GMDS: variants seen among roughly 807,000 people sequenced by gnomAD.
GMDS encodes GDP-mannose 4,6 dehydratase.
In GMDS, 20 loss-of-function variants were observed where a neutral mutation model predicts 49.9. That is an observed-to-expected ratio of 0.40 (90% CI 0.28 to 0.58). The LOEUF (loss-of-function observed/expected upper bound fraction) is 0.58. Ranked by LOEUF, GMDS falls within the 20% of genes least tolerant of loss-of-function variation. The probability of loss-of-function intolerance (pLI) is 0.42; values close to 1 mark genes in which losing one functional copy is unlikely to be tolerated. For missense variants in GMDS, 362 were observed against 481.4 expected (o/e 0.75, Z 2.32); for synonymous variants, 177 against 178.6 (o/e 0.99, Z 0.07).
At chr6:1,930,018 A>C (rs1467106338) in intron 7 of GMDS, 85 bp downstream of exon 7, 1 of 1,228,798 alleles carries the variant, frequency 8.1e-7, no homozygotes, top group Non-Finnish European at 1.2e-6. Flanking sequence ...CCCCACCTCT[A>C]GGTCACACTT....
intron 6 of GMDS, among the ~76,000 whole-genome samples, chr6:1,931,296 G>A (rs1333795158): frequency 2.0e-5 from 3 of 152,164 alleles, no homozygotes; most frequent in African/African-American, 4.8e-5. Context: ...GCTGGCACAG[G>A]GATAAGGGGA....
chr6:1,967,041 C>A (rs1408549667), intron 4 of GMDS, among the ~76,000 whole-genome samples: 1 of 152,144 alleles, frequency 6.6e-6, no homozygotes, highest in African/African-American at 2.4e-5. Context: ...TCTCCGGCCA[C>A]CCTGCTGTCC....
At chr6:1,743,349 C>G (rs1006392568) in intron 7 of GMDS, among the ~76,000 whole-genome samples, 7 of 151,686 alleles carry the variant, frequency 4.6e-5, no homozygotes, top group Middle Eastern at 3.4e-3. Flanking sequence ...GTCAGGAGAT[C>G]GAGACCACGG....
At chr6:1,723,333 T>G (rs1477542397) in intron 9 of GMDS, among the ~76,000 whole-genome samples, 3 of 149,194 alleles carry the variant, frequency 2.0e-5, no homozygotes, top group African/African-American at 7.4e-5. Flanking sequence ...TATGGCATTT[T>G]TTTTTTTTTT....
At chr6:1,809,450 A>G (rs917650693) in intron 7 of GMDS, among the ~76,000 whole-genome samples, 1 of 152,200 alleles carries the variant, frequency 6.6e-6, no homozygotes, top group African/African-American at 2.4e-5. Flanking sequence ...TAGCTGTAAA[A>G]TTGCCAAATA....
At chr6:2,053,516 A>G (rs1770583356) in intron 4 of GMDS, among the ~76,000 whole-genome samples, 1 of 152,132 alleles carries the variant, frequency 6.6e-6, no homozygotes, top group African/African-American at 2.4e-5. Context: ...AAGTATAAAA[A>G]GAAATTAAAT....
At chr6:2,112,729 C>T (rs79122591) in intron 4 of GMDS, among the ~76,000 whole-genome samples, 2,870 of 152,270 alleles carry the variant, frequency 0.019, 98 homozygotes, top group African/African-American at 0.063. Flanking sequence ...TTCTTTAAAA[C>T]GTCACAAATC....
chr6:1,827,092 G>A (rs1395503057), intron 7 of GMDS, among the ~76,000 whole-genome samples: 2 of 146,422 alleles, frequency 1.4e-5, no homozygotes, highest in African/African-American at 5.0e-5. Context: ...GTGTGTGTGT[G>A]TGTGTGTGTG....
intron 8 of GMDS, among the ~76,000 whole-genome samples, chr6:1,727,988 C>G (rs1419528680): frequency 6.6e-6 from 1 of 152,100 alleles, no homozygotes; most frequent in Non-Finnish European, 1.5e-5. Flanking sequence ...TTGATTAGAT[C>G]AATTTGGCAG....
At chr6:2,079,841 C>G (rs1006156729) in intron 4 of GMDS, among the ~76,000 whole-genome samples, 1 of 152,074 alleles carries the variant, frequency 6.6e-6, no homozygotes, top group Non-Finnish European at 1.5e-5. Flanking sequence ...ATATCTAAAT[C>G]ATTTGATAGA....
At chr6:2,005,719 G>A (rs6913715) in intron 4 of GMDS, among the ~76,000 whole-genome samples, 70,893 of 151,940 alleles carry the variant, frequency 0.47, 16,855 homozygotes, top group African/African-American at 0.55. Flanking sequence ...CTGCCAACTG[G>A]CACACACCTC....
intron 6 of GMDS, among the ~76,000 whole-genome samples, chr6:1,956,125 G>T (rs1483817237): frequency 2.0e-5 from 3 of 152,160 alleles, no homozygotes; most frequent in Admixed American, 6.5e-5. Flanking sequence ...AGACTACCTT[G>T]CTACCATAGG....
In GMDS at chr6:2,144,324, G is replaced by C. The variant is rs144769716; in HGVS notation, c.103-19593C>G. 1.6e-4 allele frequency among the ~76,000 whole-genome samples: 25 copies of C among 152,336 alleles called. No homozygotes were observed. The East Asian group carries it at 4.6e-3, about 28-fold the overall frequency. On this transcript the variant is annotated intron_variant, in intron 1 of 10. Coordinates refer to ENST00000380815, the MANE Select transcript of GMDS (RefSeq NM_001500.4). ...CAGCTGATTGTCCTCAGTGATCCTA[G>C]AGACAGGAGGCCCGCCATGCAGGCC...
At chr6:2,228,205 C>T (rs966620339) in intron 1 of GMDS, among the ~76,000 whole-genome samples, 1 of 152,160 alleles carries the variant, frequency 6.6e-6, no homozygotes, top group Non-Finnish European at 1.5e-5. Flanking sequence ...CAGGATTAAA[C>T]GTTTATGACA....
intron 4 of GMDS, among the ~76,000 whole-genome samples, chr6:2,055,712 A>G (rs1350378045): frequency 6.6e-6 from 1 of 152,124 alleles, no homozygotes; most frequent in African/African-American, 2.4e-5. Flanking sequence ...TTAGGCACAG[A>G]ACTGTAGATT....
chr6:1,657,832 C>A (rs996403385), intron 9 of GMDS, among the ~76,000 whole-genome samples: 1 of 123,620 alleles, frequency 8.1e-6, no homozygotes, highest in Non-Finnish European at 1.6e-5. Context: ...CCTAAAAGAT[C>A]CTTGTAACAA....
At position 2,154,995 on chromosome 6, in the gene GMDS, T is replaced by G. The variant is rs892820182; in HGVS notation, c.103-30264A>C. ...CTACTTCATATGGTTAAGGCTAATA[T>G]TCAACCTTTAAAGAGGCTGATAACT... On this transcript the variant is annotated intron_variant, in intron 1 of 10. Transcript: ENST00000380815. 7.2e-5 allele frequency among the ~76,000 whole-genome samples: 11 copies of G among 152,022 alleles called. 1 individual carries two copies. Among genetic ancestry groups the G allele is most frequent in the South Asian group, 6.2e-4 (3 of 4,826 alleles).
intron 1 of GMDS, among the ~76,000 whole-genome samples, chr6:2,152,034 A>G (rs1179448943): frequency 6.6e-6 from 1 of 152,180 alleles, no homozygotes; most frequent in Non-Finnish European, 1.5e-5. Flanking sequence ...AAAGTCCATC[A>G]TAGTTGAAGG....
intron 7 of GMDS, among the ~76,000 whole-genome samples, chr6:1,760,864 C>T (rs1391919486): frequency 6.6e-6 from 1 of 152,092 alleles, no homozygotes; most frequent in Non-Finnish European, 1.5e-5. Flanking sequence ...TTCGGGTGGT[C>T]CAATTGCTCT....
Sources: allele counts gnomAD v4.1 joint callset (sites outside exome capture counted in the v4.1 genomes callset), GRCh38; gene constraint gnomAD v4.1.1; transcripts MANE v1.5; gene names NCBI Gene and HGNC (gene_info 2026-07-23, HGNC 2026-07-21).